The following GRIK4 variants were observed in gnomAD, a reference collection of about 807,000 sequenced individuals.
GRIK4 encodes the protein glutamate ionotropic receptor kainate type subunit 4.
GRIK4 carries 40 observed loss-of-function variants against 104.9 expected under a neutral mutation model. That is an observed-to-expected ratio of 0.38 (90% confidence interval 0.30 to 0.50). The LOEUF (loss-of-function observed/expected upper bound fraction) is 0.50. GRIK4 is among the 20% of genes least tolerant of loss of function. GRIK4 has a pLI of 0.93. For missense variants in GRIK4, 1,047 were observed against 1,308.1 expected, an observed-to-expected ratio of 0.80 and a Z score of 3.08; for synonymous variants, 485 against 524.9, an observed-to-expected ratio of 0.92 and a Z score of 1.04.
intron 7 of GRIK4, among the ~76,000 whole-genome samples, chr11:120,834,679 T>C (rs1953526844): frequency 6.6e-6 from 1 of 152,166 alleles, no homozygotes; most frequent in African/African-American, 2.4e-5. Flanking sequence ...GTCCAGCCCC[T>C]AGAGCTTGGC....
At chr11:120,700,849 C>T (rs1256260253) in intron 3 of GRIK4, among the ~76,000 whole-genome samples, 1 of 152,196 alleles carries the variant, frequency 6.6e-6, no homozygotes, top group African/African-American at 2.4e-5. Flanking sequence ...GCCTCAGCCT[C>T]CCAAAGTGCT....
At chr11:120,689,292 C>T (rs1256675825) in intron 3 of GRIK4, among the ~76,000 whole-genome samples, 1 of 152,122 alleles carries the variant, frequency 6.6e-6, no homozygotes, top group Non-Finnish European at 1.5e-5. Context: ...TACCTGCCTC[C>T]CATCCCTCAC....
intron 3 of GRIK4, among the ~76,000 whole-genome samples, chr11:120,693,137 C>T (rs895296979): frequency 6.6e-6 from 1 of 151,684 alleles, no homozygotes; most frequent in Non-Finnish European, 1.5e-5. Context: ...CAGAGTCTCT[C>T]TCTGTTGTCC....
At chr11:120,642,137 C>T (rs549352052) in intron 1 of GRIK4, among the ~76,000 whole-genome samples, 174 of 152,262 alleles carry the variant, frequency 1.1e-3, no homozygotes, top group Non-Finnish European at 2.0e-3. Context: ...GTCCCCAGTA[C>T]GGAATACAGT....
intron 3 of GRIK4, among the ~76,000 whole-genome samples, chr11:120,791,977 T>G (rs1952403547): frequency 6.6e-6 from 1 of 152,168 alleles, no homozygotes; most frequent in East Asian, 1.9e-4. Context: ...TTCTTGAAGT[T>G]CTCCTGCTGT....
chr11:120,917,922 A>T (rs17124548), intron 13 of GRIK4, among the ~76,000 whole-genome samples: 10,940 of 152,306 alleles, frequency 0.072, 478 homozygotes, highest in African/African-American at 0.13. Flanking sequence ...AAGGCATCTG[A>T]AAGCCTTCTA....
intron 3 of GRIK4, among the ~76,000 whole-genome samples, chr11:120,690,573 G>A (rs1950342446): frequency 6.6e-6 from 1 of 152,242 alleles, no homozygotes; most frequent in Non-Finnish European, 1.5e-5. Context: ...TACCTGTCAT[G>A]AATTGGAAGC....
At chr11:120,759,038 A>G (rs1459542890) in intron 3 of GRIK4, among the ~76,000 whole-genome samples, 2 of 152,188 alleles carry the variant, frequency 1.3e-5, no homozygotes, top group African/African-American at 4.8e-5. Context: ...AGTCAAGGGT[A>G]CTGTGGACAG....
At chr11:120,589,153 G>A (rs1948705648) in intron 1 of GRIK4, among the ~76,000 whole-genome samples, 1 of 152,160 alleles carries the variant, frequency 6.6e-6, no homozygotes, top group Non-Finnish European at 1.5e-5. Flanking sequence ...AGCAGGCCAA[G>A]CTGAAGGCAG....
Position 120,953,379 on chromosome 11 carries a change from A to G in GRIK4, c.1700+415A>G, listed in dbSNP as rs1944053923. Among the ~76,000 whole-genome samples, 1 of 151,796 alleles carries G rather than the reference A, an allele frequency of 6.6e-6. No individual in the cohort carries two copies. Among genetic ancestry groups the G allele is most frequent in the Non-Finnish European group, 1.5e-5 (1 of 67,938 alleles). The stretch of plus-strand genomic sequence containing the variant: ...TCATTGCCACAAAGGATCTGCCACA[A>G]AGTGCCGAATGACAAGGAACAGAGC... On this transcript the variant is annotated intron_variant, in intron 15 of 20. Transcript: ENST00000527524. This position sits in a 1 kb window ranked among gnomAD's most constrained non-coding sequence, Gnocchi z 4.9.
At chr11:120,590,713 T>G (rs909505651) in intron 1 of GRIK4, among the ~76,000 whole-genome samples, 5 of 152,162 alleles carry the variant, frequency 3.3e-5, no homozygotes, top group African/African-American at 1.2e-4. Context: ...TTTAGGCCCC[T>G]CAGAAGCAGC....
intron 8 of GRIK4, among the ~76,000 whole-genome samples, chr11:120,848,338 A>T (rs1440348848): frequency 6.6e-6 from 1 of 152,190 alleles, no homozygotes; most frequent in Admixed American, 6.5e-5. Context: ...CTCTTTCCTC[A>T]GTACTTCTGA....
chr11:120,967,288 G>A lies in GRIK4; in HGVS notation c.2360G>A (p.Gly787Glu). 3 of 1,613,900 alleles carry A rather than the reference G, an allele frequency of 1.9e-6. No homozygotes were observed. Among genetic ancestry groups the A allele is most frequent in the Non-Finnish European group, 2.5e-6 (3 of 1,179,870 alleles). Residue 787 changes from glycine to glutamate, a missense_variant, in exon 19 of 21, where the codon GGG becomes GAG. Gly to Glu is a moderately conservative substitution (Grantham distance 98). Around this residue, in one of 3 missense-constraint regions of GRIK4, gnomAD observed 440 missense variants for 652.3 expected, o/e 0.67. Transcript: ENST00000527524. The surrounding 1 kb of genome is among the most constrained non-coding windows in gnomAD (Gnocchi z 4.2). ...EILKRKWWEG[G>E]KCPKEEDHRA... ...CTGAAGCGCAAATGGTGGGAAGGAG[G>A]GAAGTGCCCCAAGGAGGAAGATCAC...
intron 3 of GRIK4, among the ~76,000 whole-genome samples, chr11:120,757,362 C>T (rs1951671756): frequency 6.6e-6 from 1 of 152,212 alleles, no homozygotes; most frequent in African/African-American, 2.4e-5. Context: ...CTGGCTGTGT[C>T]TTTGGGCAAG....
chr11:120,575,525 G>A (rs974686752), intron 1 of GRIK4, among the ~76,000 whole-genome samples: 1 of 152,154 alleles, frequency 6.6e-6, no homozygotes, highest in African/African-American at 2.4e-5. Context: ...CTGGGCAGGT[G>A]CTGGCCGCCG....
At chr11:120,599,939 T>C (rs1266484572) in intron 1 of GRIK4, among the ~76,000 whole-genome samples, 1 of 152,192 alleles carries the variant, frequency 6.6e-6, no homozygotes, top group Non-Finnish European at 1.5e-5. Flanking sequence ...GCAGCCAGAG[T>C]ATGTTTGAAC....
chr11:120,921,139 A>G (rs1463447288), intron 13 of GRIK4, among the ~76,000 whole-genome samples: 3 of 152,150 alleles, frequency 2.0e-5, no homozygotes, highest in Non-Finnish European at 4.4e-5. Flanking sequence ...TCATTTAGTC[A>G]CCTTCTACCA....
intron 13 of GRIK4, among the ~76,000 whole-genome samples, chr11:120,917,235 G>A (rs1302429150): frequency 6.5e-5 from 4 of 61,468 alleles, no homozygotes; most frequent in East Asian, 5.6e-4. Context: ...TAACAAGAGC[G>A]AAACTCCGTC....
rs879731735 is a variant in GRIK4, at chr11:120,856,240, G to A, written c.745-5719G>A. Among the ~76,000 whole-genome samples the A allele has an allele frequency of 3.3e-5, 5 of 152,310 alleles. No homozygotes were observed. In the South Asian group the frequency reaches 8.3e-4, roughly 25 times the overall value. Reference sequence around the variant, plus strand: ...CCAGCCAGTATGTGGCCAAATGAGGGTTTGAAACCAGGACTGTCTTATTTC... The same window carrying A: ...CCAGCCAGTATGTGGCCAAATGAGGATTTGAAACCAGGACTGTCTTATTTC... On this transcript the variant is annotated intron_variant, in intron 8 of 20. Transcript: ENST00000527524.
Sources: gnomAD v4.1 joint callset for allele counts (sites outside exome capture counted in the v4.1 genomes callset) on GRCh38, gnomAD v4.1.1 for gene constraint, gnomAD v4.1.1 regional missense constraint, Gnocchi (gnomAD v3.1) non-coding constraint, MANE v1.5 for transcripts, NCBI Gene and HGNC (gene_info 2026-07-23, HGNC 2026-07-21) for gene names.